Variants in GULP1 observed in about 807,000 individuals in gnomAD.
GULP1 encodes the protein GULP PTB domain containing engulfment adaptor 1.
GULP1 carries 19 observed loss-of-function variants against 40.9 expected under a neutral mutation model. The ratio of observed to expected loss-of-function variants is 0.46; its 90% CI spans 0.32 to 0.68. The LOEUF (loss-of-function observed/expected upper bound fraction) is 0.68, where lower values mean the gene tolerates loss of function less well. GULP1 is among the 30% of genes least tolerant of loss of function. GULP1 has a pLI of 0.03. For missense variants in GULP1, 312 were observed against 362.2 expected (o/e 0.86, Z 1.12); for synonymous variants, 119 against 117.6 (o/e 1.01, Z -0.08).
chr2:188,335,695 A>G (rs1298633056), intron 1 of GULP1, among the ~76,000 whole-genome samples: 1 of 152,230 alleles, frequency 6.6e-6, no homozygotes, highest in Non-Finnish European at 1.5e-5. Flanking sequence ...GCTTTGAAAT[A>G]ATCCCTTCAA....
At position 188,584,344 on chromosome 2, in the gene GULP1, C is replaced by T. The variant is rs537795313; in HGVS notation, c.689C>T (p.Ser230Leu). ...TTTTCTCCAATATCACACCAGTCTTCGATGCCTACTCGCAATGGCACACAG... is the reference window on the plus strand; with the variant it reads ...TTTTCTCCAATATCACACCAGTCTTTGATGCCTACTCGCAATGGCACACAG... ...IPFSPISHQS[S>L]MPTRNGTQPP... The change falls in exon 10 of 12, where the codon TCG (serine) becomes TTG (leucine). Residue 230 changes from serine (S) to leucine (L), a missense_variant. Ser to Leu is a moderately radical substitution (Grantham distance 145). Transcript: ENST00000409830. 6.7e-4 allele frequency: 1,080 copies of T among 1,605,628 alleles called. 15 individuals are homozygous for T. In the South Asian group the frequency reaches 9.3e-3, roughly 14 times the overall value.
chr2:188,332,807 T>C (rs572393533), intron 1 of GULP1, among the ~76,000 whole-genome samples: 1 of 152,298 alleles, frequency 6.6e-6, no homozygotes, highest in South Asian at 2.1e-4. Flanking sequence ...TAATTTGATA[T>C]GGTTAGAGCA....
intron 2 of GULP1, among the ~76,000 whole-genome samples, chr2:188,399,951 T>C (rs781492149): frequency 2.0e-5 from 3 of 152,000 alleles, no homozygotes; most frequent in African/African-American, 2.4e-5. Flanking sequence ...TTTTATGGAG[T>C]TTATAGTCTA....
chr2:188,582,036 A>G (rs1237982289), intron 9 of GULP1, among the ~76,000 whole-genome samples: 1 of 152,096 alleles, frequency 6.6e-6, no homozygotes, highest in African/African-American at 2.4e-5. Flanking sequence ...ATAAATCTTC[A>G]GGCTTTCTTC....
At chr2:188,386,830 G>GA (rs1009326304) in intron 2 of GULP1, among the ~76,000 whole-genome samples, 13 of 152,002 alleles carry the variant, frequency 8.6e-5, no homozygotes, top group Admixed American at 7.9e-4. Flanking sequence ...AGTTTAAGTT[G>GA]AAAAAAATGA....
intron 2 of GULP1, among the ~76,000 whole-genome samples, chr2:188,395,633 G>T (rs899193991): frequency 2.6e-5 from 4 of 152,276 alleles, no homozygotes; most frequent in South Asian, 2.1e-4. Context: ...CTGCCATCCA[G>T]ATTTTTTTGT....
chr2:188,409,150 A>C (rs543261032), intron 2 of GULP1, among the ~76,000 whole-genome samples: 18 of 152,278 alleles, frequency 1.2e-4, no homozygotes, highest in African/African-American at 4.1e-4. Context: ...CAAATAAATG[A>C]AATGGAGAAT....
intron 2 of GULP1, among the ~76,000 whole-genome samples, chr2:188,461,445 C>T (rs1412864163): frequency 1.3e-5 from 2 of 151,456 alleles, no homozygotes; most frequent in Non-Finnish European, 2.9e-5. Context: ...CTCAGCCTCC[C>T]GAGTAGCTGA....
chr2:188,327,831 G>A (rs953467361), intron 1 of GULP1, among the ~76,000 whole-genome samples: 2 of 152,052 alleles, frequency 1.3e-5, no homozygotes, highest in Admixed American at 6.6e-5. Flanking sequence ...GAAAATGATG[G>A]AGCACTGACA....
intron 2 of GULP1, among the ~76,000 whole-genome samples, chr2:188,444,484 A>C (rs1361115940): frequency 6.6e-6 from 1 of 152,178 alleles, no homozygotes; most frequent in Non-Finnish European, 1.5e-5. Context: ...TTCCTTGATC[A>C]ATATCTAATA....
At chr2:188,343,156 A>G (rs891905778) in intron 1 of GULP1, among the ~76,000 whole-genome samples, 4 of 152,118 alleles carry the variant, frequency 2.6e-5, no homozygotes, top group African/African-American at 4.8e-5. Flanking sequence ...CTGTTCCTCT[A>G]CAGAGTGGAA....
At chr2:188,309,458 C>A (rs1574295930) in intron 1 of GULP1, among the ~76,000 whole-genome samples, 1 of 151,998 alleles carries the variant, frequency 6.6e-6, no homozygotes, top group East Asian at 1.9e-4. Flanking sequence ...AGAGCGAGAC[C>A]CTCTCTCAAA....
intron 1 of GULP1, among the ~76,000 whole-genome samples, chr2:188,315,331 A>G (rs1236339473): frequency 6.6e-6 from 1 of 152,140 alleles, no homozygotes; most frequent in African/African-American, 2.4e-5. Flanking sequence ...ATTAAGCTTT[A>G]TCATATGTAT....
intron 2 of GULP1, among the ~76,000 whole-genome samples, chr2:188,420,283 A>G (rs73040441): frequency 0.067 from 10,204 of 152,010 alleles, 1,151 homozygotes; most frequent in African/African-American, 0.23. Context: ...TAGTATGAAT[A>G]TTTTAACAAT....
chr2:188,391,418 G>C (rs1014075041), intron 2 of GULP1, among the ~76,000 whole-genome samples: 26 of 152,086 alleles, frequency 1.7e-4, no homozygotes, highest in African/African-American at 6.0e-4. Flanking sequence ...TGTGGTTGTT[G>C]TTGGCATATA....
intron 2 of GULP1, among the ~76,000 whole-genome samples, chr2:188,456,519 CAAG>C (rs1384470681): frequency 3.3e-5 from 5 of 152,092 alleles, no homozygotes; most frequent in Admixed American, 2.0e-4. Context: ...GCACAGAAGT[CAAG>C]AATTCAAGTT....
intron 5 of GULP1, among the ~76,000 whole-genome samples, chr2:188,524,888 C>A (rs1034746233): frequency 6.6e-6 from 1 of 151,570 alleles, no homozygotes; most frequent in Non-Finnish European, 1.5e-5. Flanking sequence ...TGTAAGGTAA[C>A]ATTTTATTTA....
intron 2 of GULP1, among the ~76,000 whole-genome samples, chr2:188,454,901 G>C (rs577026652): frequency 5.3e-5 from 8 of 152,144 alleles, no homozygotes; most frequent in Non-Finnish European, 1.2e-4. Flanking sequence ...ACATGGGAGG[G>C]ATTACTTAAA....
At chr2:188,364,811 A>G (rs1343098246) in intron 1 of GULP1, among the ~76,000 whole-genome samples, 1 of 150,292 alleles carries the variant, frequency 6.7e-6, no homozygotes, top group African/African-American at 2.4e-5. Context: ...ATATACATAA[A>G]TACACATATA....
Sources: gnomAD v4.1 joint callset for allele counts (sites outside exome capture counted in the v4.1 genomes callset) on GRCh38, gnomAD v4.1.1 for gene constraint, MANE v1.5 for transcripts, NCBI Gene and HGNC (gene_info 2026-07-23, HGNC 2026-07-21) for gene names.